The following RYR2 variants were observed in gnomAD, a reference collection of about 807,000 sequenced individuals.
RYR2 encodes cardiac muscle ryanodine receptor-calcium release channel.
Under a neutral mutation model 601.1 loss-of-function variants are expected in RYR2, and 227 were observed. The ratio of observed to expected loss-of-function variants is 0.38; its 90% CI spans 0.34 to 0.42. RYR2 has a LOEUF of 0.42. Among genes scored for constraint, RYR2 ranks in the 10% least tolerant of loss-of-function variants. The probability of loss-of-function intolerance (pLI) is 1.00; values close to 1 mark genes in which losing one functional copy is unlikely to be tolerated. For missense variants in RYR2, 4,646 were observed against 6,156.5 expected (o/e 0.75, Z 8.21); for synonymous variants, 2,223 against 2,175.1 (o/e 1.02, Z -0.61).
At chr1:237,690,089 G>C (rs997269943) in intron 63 of RYR2, among the ~76,000 whole-genome samples, 2 of 152,054 alleles carry the variant, frequency 1.3e-5, no homozygotes, top group South Asian at 2.1e-4. Context: ...TGCCCACCTC[G>C]GTCTGCCAAA....
At chr1:237,069,002 A>T (rs942300882) in intron 1 of RYR2, among the ~76,000 whole-genome samples, 4 of 152,194 alleles carry the variant, frequency 2.6e-5, no homozygotes, top group African/African-American at 9.6e-5. Context: ...TTTTCAGAAA[A>T]GAAGTTATAA....
At chr1:237,641,471 G>GTCTT (rs796832994) in intron 47 of RYR2, among the ~76,000 whole-genome samples, 2,191 of 108,476 alleles carry the variant, frequency 0.02, 27 homozygotes, top group East Asian at 0.054. Context: ...GTGTCTGTCT[G>GTCTT]TCTTTCTTTC....
chr1:237,513,493 G>T (rs1666117618), intron 24 of RYR2, among the ~76,000 whole-genome samples: 1 of 152,128 alleles, frequency 6.6e-6, no homozygotes, highest in Non-Finnish European at 1.5e-5. Flanking sequence ...TTTGGACTCG[G>T]GTATATAGTC....
At chr1:237,104,719 G>A (rs1485169227) in intron 1 of RYR2, among the ~76,000 whole-genome samples, 2 of 152,130 alleles carry the variant, frequency 1.3e-5, no homozygotes, top group Non-Finnish European at 2.9e-5. Flanking sequence ...CCAGGGCACT[G>A]TACTTACTTG....
chr1:237,154,868 T>C lies in RYR2; in HGVS notation c.48+112299T>C, dbSNP rs567385586. 5.3e-5 allele frequency among the ~76,000 whole-genome samples: 8 copies of C among 152,308 alleles called. No homozygotes were observed. In the South Asian group the frequency reaches 1.4e-3, roughly 28 times the overall value. On this transcript the variant is annotated intron_variant, in intron 1 of 104. Coordinates refer to ENST00000366574, the MANE Select transcript of RYR2 (RefSeq NM_001035.3). Reference sequence around the variant, plus strand: ...TTGTTAAAGTTCCTCAAAACAGTTGTTTAAGTTCCTCTGTAGCAGGCCACC... The same window carrying C: ...TTGTTAAAGTTCCTCAAAACAGTTGCTTAAGTTCCTCTGTAGCAGGCCACC...
At position 237,476,495 on chromosome 1, in the gene RYR2, G is replaced by A. The variant is rs576342980; in HGVS notation, c.1708+7308G>A. On this transcript the variant is annotated intron_variant, in intron 17 of 104. Coordinates refer to ENST00000366574, the MANE Select transcript of RYR2 (RefSeq NM_001035.3). ...ACTGCACTCCAGCCTGGGTGATAGC[G>A]TGAGACTCTGTCTCAAAAAAAAAAA... 8.5e-5 allele frequency among the ~76,000 whole-genome samples: 10 copies of A among 117,658 alleles called. No homozygotes were observed. The East Asian group carries it at 1.8e-3, about 22-fold the overall frequency. The allele number at this position is 117,658 out of a possible 152,430, so 77.2% of individuals were successfully genotyped here. A position where few individuals can be genotyped will look rare whatever the true frequency, so the allele number is the denominator to read the frequency against.
At chr1:237,405,364 A>G (rs1054465719) in intron 10 of RYR2, among the ~76,000 whole-genome samples, 10 of 152,328 alleles carry the variant, frequency 6.6e-5, no homozygotes, top group African/African-American at 2.4e-4. Flanking sequence ...CCCCTCAAAT[A>G]TATCCACAAA....
chr1:237,814,958 CTTTTTTCTTTTTT>C (rs1424898329), intron 100 of RYR2, among the ~76,000 whole-genome samples: 11 of 122,600 alleles, frequency 9.0e-5, no homozygotes, highest in African/African-American at 3.5e-4. Context: ...CTCCTTTTTT[CTTTTTTCTTTTTT>C]TTTTTTTTTT....
chr1:237,643,879 G>T (rs1681846358), intron 48 of RYR2, among the ~76,000 whole-genome samples: 1 of 152,146 alleles, frequency 6.6e-6, no homozygotes, highest in Non-Finnish European at 1.5e-5. Context: ...CTCCCAAAGT[G>T]CTGGGATTAC....
At position 237,797,630 on chromosome 1, in the gene RYR2, GTTTC is replaced by G. The variant is rs1168632477; in HGVS notation, c.13957-403_13957-400del. On this transcript the variant is annotated intron_variant, in intron 96 of 104. Coordinates refer to ENST00000366574, the MANE Select transcript of RYR2 (RefSeq NM_001035.3). ...ATTACATGAAGTTTTCTAAGGTACA[GTTTC>G]TTTATCTGCAGAATATCAATAACGT... Among the ~76,000 whole-genome samples, 4 of 152,132 alleles carry G rather than the reference GTTTC, an allele frequency of 2.6e-5. No homozygotes were observed. The East Asian group carries it at 7.7e-4, about 29-fold the overall frequency.
At chr1:237,055,301 G>T (rs953958510) in intron 1 of RYR2, among the ~76,000 whole-genome samples, 1 of 152,132 alleles carries the variant, frequency 6.6e-6, no homozygotes, top group African/African-American at 2.4e-5. Context: ...AGGGGCCCTG[G>T]AAGTTATTCT....
chr1:237,470,043 C>A (rs1311240255), intron 17 of RYR2, among the ~76,000 whole-genome samples: 2 of 152,228 alleles, frequency 1.3e-5, no homozygotes, highest in Non-Finnish European at 2.9e-5. Flanking sequence ...AATGAATCTA[C>A]TGCTCTTCCA....
intron 25 of RYR2, among the ~76,000 whole-genome samples, chr1:237,544,061 G>A (rs911063721): frequency 6.6e-6 from 1 of 151,950 alleles, no homozygotes; most frequent in African/African-American, 2.4e-5. Flanking sequence ...TAAACTGTTA[G>A]GTATTTGATT....
intron 1 of RYR2, among the ~76,000 whole-genome samples, chr1:237,081,710 A>G (rs529685177): frequency 6.6e-6 from 1 of 151,914 alleles, no homozygotes; most frequent in Non-Finnish European, 1.5e-5. Flanking sequence ...ATTGGCTTTT[A>G]TCAGGAACCT....
chr1:237,197,065 G>T (rs1680654909), intron 1 of RYR2, among the ~76,000 whole-genome samples: 2 of 151,914 alleles, frequency 1.3e-5, no homozygotes, highest in South Asian at 4.1e-4. Context: ...TGTTCTGTTT[G>T]TTCCTGAAAT....
At position 237,784,683 on chromosome 1, in the gene RYR2, A is replaced by G; in HGVS notation, c.12971A>G (p.Lys4324Arg). The change falls in exon 90 of 105, where the codon AAG (lysine) becomes AGG (arginine). Residue 4324 changes from lysine (K) to arginine (R), a missense_variant. Coordinates refer to ENST00000366574, the MANE Select transcript of RYR2 (RefSeq NM_001035.3). The surrounding 1 kb of genome is among the most constrained non-coding windows in gnomAD (Gnocchi z 7.1). Reference sequence around the variant, plus strand: ...GGAAGCCTCGTCGAAGGTGCTAAAAAGATCAAAGTTGCAGAACTGTTAGCC... The same window carrying G: ...GGAAGCCTCGTCGAAGGTGCTAAAAGGATCAAAGTTGCAGAACTGTTAGCC... ...LGGSLVEGAK[K>R]IKVAELLANM... is the part of the protein sequence containing the mutation. 3 of 1,611,416 alleles carry G rather than the reference A, an allele frequency of 1.9e-6. No individual in the cohort carries two copies. Among genetic ancestry groups the G allele is most frequent in the South Asian group, 1.1e-5 (1 of 90,976 alleles).
intron 101 of RYR2, among the ~76,000 whole-genome samples, chr1:237,824,973 C>T (rs1368985807): frequency 6.6e-6 from 1 of 152,136 alleles, no homozygotes; most frequent in Admixed American, 6.5e-5. Context: ...TGAAGGACCT[C>T]TTCAAGGAGA....
intron 1 of RYR2, among the ~76,000 whole-genome samples, chr1:237,221,827 T>A (rs137910345): frequency 2.6e-5 from 4 of 152,342 alleles, no homozygotes; most frequent in Non-Finnish European, 4.4e-5. Context: ...AGGGTCAAGC[T>A]GGACCTTTCA....
intron 2 of RYR2, among the ~76,000 whole-genome samples, chr1:237,311,824 G>T (rs774983369): frequency 2.6e-5 from 4 of 152,096 alleles, no homozygotes; most frequent in Non-Finnish European, 4.4e-5. Context: ...CTTAATAGTG[G>T]AAGATAAAAA....
Sources: gnomAD v4.1 joint callset for allele counts (sites outside exome capture counted in the v4.1 genomes callset) on GRCh38, gnomAD v4.1.1 for gene constraint, Gnocchi (gnomAD v3.1) non-coding constraint, MANE v1.5 for transcripts, NCBI Gene and HGNC (gene_info 2026-07-23, HGNC 2026-07-21) for gene names.